RBFOX1: variants seen among roughly 807,000 people sequenced by gnomAD.
RBFOX1 encodes the protein RNA binding protein fox-1 homolog 1.
Under a neutral mutation model 57.7 loss-of-function variants are expected in RBFOX1, and 8 were observed. The observed-to-expected ratio is 0.14, with a 90% CI of 0.08 to 0.25. The LOEUF (loss-of-function observed/expected upper bound fraction) is 0.25. Ranked by LOEUF, RBFOX1 falls within the 10% of genes least tolerant of loss-of-function variation. RBFOX1 has a pLI of 1.00. For missense variants in RBFOX1, 611 were observed against 548.5 expected (o/e 1.11, Z -1.14); for synonymous variants, 326 against 222.4 (o/e 1.47, Z -4.15).
intron 4 of RBFOX1, among the ~76,000 whole-genome samples, chr16:7,266,615 C>T (rs553330041): frequency 2.0e-5 from 3 of 152,262 alleles, no homozygotes; most frequent in East Asian, 1.9e-4. Context: ...GAGGTTAGGG[C>T]TTCCGCATAT....
chr16:5,780,731 G>C, intron 3 of RBFOX1, among the ~76,000 whole-genome samples: 1 of 152,144 alleles, frequency 6.6e-6, no homozygotes, highest in East Asian at 1.9e-4. Flanking sequence ...CCACCGTTAA[G>C]TCACTTGAGT....
intron 4 of RBFOX1, chr16:7,328,510 G>A (rs867251718): frequency 6.7e-6 from 1 of 149,690 alleles, no homozygotes; most frequent in South Asian, 2.1e-4. Context: ...AGAAGACCTG[G>A]GAAGGGAGAT....
intron 3 of RBFOX1, among the ~76,000 whole-genome samples, chr16:5,722,053 AAT>A (rs1219350200): frequency 5.9e-5 from 9 of 152,332 alleles, no homozygotes; most frequent in Non-Finnish European, 1.3e-4. Context: ...TAGAATCATA[AAT>A]CCGAAGTATT....
At chr16:7,386,146 G>A (rs2097875956) in intron 4 of RBFOX1, among the ~76,000 whole-genome samples, 3 of 151,922 alleles carry the variant, frequency 2.0e-5, no homozygotes, top group Admixed American at 1.3e-4. Context: ...TTGGGTTTGA[G>A]ATCCCAACAG....
intron 3 of RBFOX1, among the ~76,000 whole-genome samples, chr16:6,816,372 A>G (rs573553050): frequency 1.3e-5 from 2 of 151,904 alleles, no homozygotes; most frequent in Admixed American, 1.3e-4. Flanking sequence ...AGCCTTTTAG[A>G]TGAAAGTCAA....
At chr16:7,089,638 C>T (rs186180691) in intron 4 of RBFOX1, among the ~76,000 whole-genome samples, 2 of 152,184 alleles carry the variant, frequency 1.3e-5, no homozygotes, top group African/African-American at 2.4e-5. Flanking sequence ...TTAGCTCTTA[C>T]ATATGTACAT....
At chr16:7,640,996 G>T (rs2062697454) in intron 11 of RBFOX1, among the ~76,000 whole-genome samples, 1 of 151,908 alleles carries the variant, frequency 6.6e-6, no homozygotes, top group Non-Finnish European at 1.5e-5. Flanking sequence ...TTCTTGGAAT[G>T]TAAAAGAGGA....
intron 4 of RBFOX1, among the ~76,000 whole-genome samples, chr16:7,310,554 A>G (rs189178973): frequency 4.1e-4 from 62 of 152,324 alleles, no homozygotes; most frequent in Non-Finnish European, 7.1e-4. Context: ...TAACATGGAA[A>G]TAATTGTCAT....
At chr16:6,859,155 A>ATATG (rs2058510008) in intron 3 of RBFOX1, among the ~76,000 whole-genome samples, 1 of 60,248 alleles carries the variant, frequency 1.7e-5, no homozygotes, top group Non-Finnish European at 3.4e-5. Flanking sequence ...ATATATATGT[A>ATATG]TATATATACG....
chr16:7,539,455 G>T (rs927642655), intron 5 of RBFOX1, among the ~76,000 whole-genome samples: 1 of 152,152 alleles, frequency 6.6e-6, no homozygotes, highest in South Asian at 2.1e-4. Context: ...TGGAACACGG[G>T]ATAATATAAA....
chr16:6,958,699 A>T (rs961630905), intron 3 of RBFOX1, among the ~76,000 whole-genome samples: 5 of 152,202 alleles, frequency 3.3e-5, no homozygotes, highest in African/African-American at 1.2e-4. Flanking sequence ...CATGCTAATG[A>T]ACTCCCTCTT....
chr16:6,793,871 T>G (rs904519662), intron 3 of RBFOX1, among the ~76,000 whole-genome samples: 10 of 152,206 alleles, frequency 6.6e-5, no homozygotes, highest in Non-Finnish European at 1.3e-4. Flanking sequence ...TGGAAATGAG[T>G]TTTTTTAAAA....
At chr16:6,331,485 A>C (rs2083020432) in intron 2 of RBFOX1, among the ~76,000 whole-genome samples, 1 of 151,192 alleles carries the variant, frequency 6.6e-6, no homozygotes, top group African/African-American at 2.4e-5. Context: ...AATAGGGGTG[A>C]GTTGTGGGAA....
chr16:7,681,059 A>G (rs542316302), intron 14 of RBFOX1, among the ~76,000 whole-genome samples: 2 of 152,292 alleles, frequency 1.3e-5, no homozygotes, highest in African/African-American at 4.8e-5. Context: ...TTCATAACCT[A>G]TGAATAAAAG....
At chr16:7,112,658 TA>T (rs2065031374) in intron 4 of RBFOX1, among the ~76,000 whole-genome samples, 1 of 65,444 alleles carries the variant, frequency 1.5e-5, no homozygotes, top group Non-Finnish European at 3.4e-5. Flanking sequence ...CCTCAATATG[TA>T]AACTCTGTGT....
At chr16:5,756,157 A>G (rs1323113246) in intron 3 of RBFOX1, among the ~76,000 whole-genome samples, 5 of 138,202 alleles carry the variant, frequency 3.6e-5, no homozygotes, top group Non-Finnish European at 6.0e-5. Flanking sequence ...AGAAGGTTCC[A>G]TGCCTTCCCC....
intron 3 of RBFOX1, among the ~76,000 whole-genome samples, chr16:5,632,304 C>G (rs1277824330): frequency 2.6e-5 from 4 of 152,222 alleles, no homozygotes; most frequent in Non-Finnish European, 5.9e-5. Flanking sequence ...GTTCCCAACC[C>G]ACATCAATCT....
chr16:6,999,169 T>TTTTTATTTTA (rs71408491), intron 3 of RBFOX1, among the ~76,000 whole-genome samples: 4,115 of 127,920 alleles, frequency 0.032, 104 homozygotes, highest in Non-Finnish European at 0.036. Flanking sequence ...GAGCCTGGCC[T>TTTTTATTTTA]TTTTATTTTA....
chr16:5,580,653 A>G (rs774733946), intron 2 of RBFOX1, among the ~76,000 whole-genome samples: 8 of 152,098 alleles, frequency 5.3e-5, no homozygotes, highest in Non-Finnish European at 1.2e-4. Context: ...CACACTGGAT[A>G]CCTTTGGGGA....
Sources: gnomAD v4.1 joint callset for allele counts (sites outside exome capture counted in the v4.1 genomes callset) on GRCh38, gnomAD v4.1.1 for gene constraint, MANE v1.5 for transcripts, NCBI Gene and HGNC (gene_info 2026-07-23, HGNC 2026-07-21) for gene names.